AFG2B: variants seen among roughly 807,000 people sequenced by gnomAD.
AFG2B encodes the protein ATPase family gene 2 protein homolog B.
chr15:45,417,478 A>G, the AFG2B span: 6 of 1,485,008 alleles, frequency 4.0e-6, no homozygotes, highest in East Asian at 2.3e-5. Flanking sequence ...ATGGTGTTCT[A>G]CTTACCCTGG....
At chr15:45,418,342 T>C in the AFG2B span, among the ~76,000 whole-genome samples, 16 of 103,030 alleles carry the variant, frequency 1.6e-4, no homozygotes, top group South Asian at 4.8e-3. Flanking sequence ...AGACTCCATC[T>C]CAAAAAAAAA....
chr15:45,407,466 A>G, the AFG2B span, among the ~76,000 whole-genome samples: 2 of 152,254 alleles, frequency 1.3e-5, no homozygotes, highest in East Asian at 3.8e-4. Flanking sequence ...TGAGATTTTC[A>G]AATATTAGTT....
chr15:45,417,654 T>A, the AFG2B span: 17 of 354,304 alleles, frequency 4.8e-5, no homozygotes, highest in East Asian at 7.9e-4. Context: ...AGCGTTATTT[T>A]GCAACTAGAG....
At chr15:45,418,502 T>G in the AFG2B span, 1 of 1,502,354 alleles carries the variant, frequency 6.7e-7, no homozygotes, top group Non-Finnish European at 9.0e-7. Flanking sequence ...AATAAATCAT[T>G]GTGTCAAACA....
the AFG2B span, among the ~76,000 whole-genome samples, chr15:45,410,684 A>C: frequency 6.6e-6 from 1 of 152,176 alleles, no homozygotes; most frequent in Non-Finnish European, 1.5e-5. Flanking sequence ...GTCCTTATTT[A>C]ATTGGACTTC....
the AFG2B span, chr15:45,407,122 G>C: frequency 7.8e-7 from 1 of 1,289,084 alleles, no homozygotes; most frequent in East Asian, 5.5e-5. Flanking sequence ...GGAGGGGCCT[G>C]CTCAGGTGTA....
chr15:45,405,266 T>C, the AFG2B span: 1 of 1,502,416 alleles, frequency 6.7e-7, no homozygotes, highest in Non-Finnish European at 9.0e-7. Context: ...TTAAAAATAA[T>C]ATATTTTAAA....
At chr15:45,403,163 T>C in the AFG2B span, 1 of 1,450,396 alleles carries the variant, frequency 6.9e-7, no homozygotes, top group Non-Finnish European at 9.0e-7. Flanking sequence ...CCCCCCGGAG[T>C]GGGCAAGACC....
chr15:45,417,458 A>T, the AFG2B span: 1 of 1,588,544 alleles, frequency 6.3e-7, no homozygotes, highest in Non-Finnish European at 8.6e-7. Context: ...CAACTTGGAT[A>T]TAGGTGTCCA....
the AFG2B span, chr15:45,403,141 C>T: frequency 6.8e-7 from 1 of 1,464,270 alleles, no homozygotes; most frequent in Non-Finnish European, 9.0e-7. Context: ...TCGCGGGGTG[C>T]TCCTGGCGGG....
the AFG2B span, chr15:45,407,028 G>T: frequency 7.8e-7 from 1 of 1,289,096 alleles, no homozygotes; most frequent in Non-Finnish European, 1.0e-6. Context: ...CTGCTTTGAA[G>T]TTCCAGGTTT....
At chr15:45,418,887 G>T in the AFG2B span, among the ~76,000 whole-genome samples, 6 of 152,248 alleles carry the variant, frequency 3.9e-5, no homozygotes, top group South Asian at 2.1e-4. Flanking sequence ...ATACTGAGTT[G>T]GCAATTGAAA....
chr15:45,403,073 T>C, the AFG2B span: 2 of 1,532,710 alleles, frequency 1.3e-6, no homozygotes, highest in Non-Finnish European at 1.7e-6. Flanking sequence ...CTGCGGGAGC[T>C]CCTCCGCCTC....
the AFG2B span, chr15:45,402,682 G>A: frequency 1.3e-6 from 2 of 1,574,184 alleles, no homozygotes; most frequent in Non-Finnish European, 1.7e-6. Flanking sequence ...CGGGGCGGCG[G>A]TCGGGGCGTC....
chr15:45,402,517 C>T, the AFG2B span: 1 of 1,604,136 alleles, frequency 6.2e-7, no homozygotes, highest in East Asian at 2.3e-5. Flanking sequence ...CCAGCGCTGC[C>T]GCCTGGGCCC....
the AFG2B span, among the ~76,000 whole-genome samples, chr15:45,409,062 CAT>C: frequency 6.6e-6 from 1 of 152,046 alleles, no homozygotes; most frequent in Admixed American, 6.6e-5. Flanking sequence ...TTCTTCCTGT[CAT>C]ATTGGCAGAC....
the AFG2B span, chr15:45,407,112 G>T: frequency 1.6e-6 from 2 of 1,289,170 alleles, no homozygotes; most frequent in South Asian, 2.5e-5. Context: ...TGCTACTTCA[G>T]GAGGGGCCTG....
At chr15:45,414,941 C>T in the AFG2B span, among the ~76,000 whole-genome samples, 2 of 151,892 alleles carry the variant, frequency 1.3e-5, no homozygotes, top group African/African-American at 4.8e-5. Flanking sequence ...ATATGAAATC[C>T]TTCATAATCC....
the AFG2B span, among the ~76,000 whole-genome samples, chr15:45,408,360 T>C: frequency 6.6e-6 from 1 of 152,208 alleles, no homozygotes; most frequent in Non-Finnish European, 1.5e-5. Flanking sequence ...CCTCTCCTCT[T>C]CTCTTTCTCT....
Sources: allele counts gnomAD v4.1 joint callset (sites outside exome capture counted in the v4.1 genomes callset), GRCh38; gene constraint gnomAD v4.1.1; transcripts MANE v1.5; gene names NCBI Gene and HGNC (gene_info 2026-07-23, HGNC 2026-07-21).